The following BCAS3 variants were observed in gnomAD, a reference collection of about 807,000 sequenced individuals.
BCAS3 encodes BCAS3 microtubule associated cell migration factor.
A neutral mutation model predicts 116.1 loss-of-function variants in BCAS3; 53 were observed. That is an observed-to-expected ratio of 0.46 (90% CI 0.37 to 0.57). BCAS3 has a LOEUF of 0.57. BCAS3 is among the 20% of genes least tolerant of loss of function. BCAS3 has a pLI of 0.00. For synonymous variants in BCAS3, 391 were observed against 408.2 expected, an observed-to-expected ratio of 0.96 and a Z score of 0.51; for missense variants, 917 against 1,165.4, an observed-to-expected ratio of 0.79 and a Z score of 3.10.
At chr17:61,225,271 A>G (rs1313164764) in intron 22 of BCAS3, among the ~76,000 whole-genome samples, 1 of 151,656 alleles carries the variant, frequency 6.6e-6, no homozygotes, top group Non-Finnish European at 1.5e-5. Context: ...TGTGGTAAAT[A>G]TAATAATCAC....
intron 13 of BCAS3, among the ~76,000 whole-genome samples, chr17:60,936,009 TC>T (rs2059903528): frequency 6.7e-6 from 1 of 149,230 alleles, no homozygotes. Flanking sequence ...CCTCCCCCCT[TC>T]CCCCCACCCC....
rs1212933291 is a variant in BCAS3, at chr17:61,026,295, T to G, written c.1638-8371T>G. Among the ~76,000 whole-genome samples, 1 of 152,042 alleles carries G rather than the reference T, an allele frequency of 6.6e-6. No homozygotes were observed. Among genetic ancestry groups the G allele is most frequent in the Non-Finnish European group, 1.5e-5 (1 of 67,932 alleles). ...TAATTTCCTGGATTATGGCCAAAAA[T>G]AGAGAAAAATTATACTAGTTGTACT... On this transcript the variant is annotated intron_variant, in intron 16 of 23. Coordinates refer to ENST00000407086, the MANE Select transcript of BCAS3 (RefSeq NM_017679.5). The surrounding 1 kb of genome is among the most constrained non-coding windows in gnomAD (Gnocchi z 5.0).
At chr17:61,386,162 A>G (rs1335441895) in intron 23 of BCAS3, among the ~76,000 whole-genome samples, 3 of 152,246 alleles carry the variant, frequency 2.0e-5, no homozygotes, top group African/African-American at 4.8e-5. Flanking sequence ...CGTTAACCTC[A>G]TGTTCGGGAA....
Position 61,029,591 on chromosome 17 carries a change from C to T in BCAS3, c.1638-5075C>T, listed in dbSNP as rs1368015993. Among the ~76,000 whole-genome samples the T allele has an allele frequency of 6.6e-6, 1 of 151,834 alleles. No individual in the cohort carries two copies. The highest frequency in any genetic ancestry group is 1.9e-4 in the East Asian group (1 of 5,198). ...TACAAATAAATAGGAATGTATCAAG[C>T]TCTGAATTTGCATGTAGTGTTGTAT... is the stretch of plus-strand genomic sequence containing the variant. On this transcript the variant is annotated intron_variant, in intron 16 of 23. Coordinates refer to ENST00000407086, the MANE Select transcript of BCAS3 (RefSeq NM_017679.5). This position sits in a 1 kb window ranked among gnomAD's most constrained non-coding sequence, Gnocchi z 5.2.
At chr17:61,230,959 C>CT (rs763299746) in intron 22 of BCAS3, among the ~76,000 whole-genome samples, 2,754 of 121,844 alleles carry the variant, frequency 0.023, 58 homozygotes, top group Middle Eastern at 0.057. Flanking sequence ...TAGTTTTTGC[C>CT]TTTTTTTTTT....
rs1012345848 is a variant in BCAS3, at chr17:61,141,331, G to A, written c.2425+56767G>A. 6.6e-6 allele frequency among the ~76,000 whole-genome samples: 1 copy of A among 152,160 alleles called. No individual in the cohort carries two copies. Among genetic ancestry groups the A allele is most frequent in the Non-Finnish European group, 1.5e-5 (1 of 68,030 alleles). On this transcript the variant is annotated intron_variant, in intron 22 of 23. Coordinates refer to ENST00000407086, the MANE Select transcript of BCAS3 (RefSeq NM_017679.5). This position sits in a 1 kb window ranked among gnomAD's most constrained non-coding sequence, Gnocchi z 4.3. ...CCAGCATGTTGGGAGGCCAAAGTGG[G>A]AGGACCGCTTGAGACCAGGAATTTG...
intron 14 of BCAS3, among the ~76,000 whole-genome samples, chr17:60,970,358 A>T (rs907966224): frequency 2.0e-5 from 3 of 152,202 alleles, no homozygotes; most frequent in African/African-American, 7.2e-5. Flanking sequence ...GGATAAACAG[A>T]AAACAGATAT....
intron 16 of BCAS3, among the ~76,000 whole-genome samples, chr17:61,033,554 C>T (rs1001806381): frequency 2.6e-4 from 39 of 152,126 alleles, no homozygotes; most frequent in Non-Finnish European, 4.7e-4. Flanking sequence ...CTATCTCTTT[C>T]CATCCCACCA....
chr17:60,700,236 A>G (rs184766922), intron 4 of BCAS3, among the ~76,000 whole-genome samples: 85 of 151,878 alleles, frequency 5.6e-4, no homozygotes, highest in Admixed American at 2.0e-3. Context: ...TGGAAGCAGG[A>G]AGCCATGTAT....
In BCAS3 at chr17:61,388,497, C is replaced by T; in HGVS notation, c.2594-3480C>T. On this transcript the variant is annotated intron_variant, in intron 23 of 23. Coordinates refer to ENST00000407086, the MANE Select transcript of BCAS3 (RefSeq NM_017679.5). The surrounding 1 kb of genome is among the most constrained non-coding windows in gnomAD (Gnocchi z 6.5). Reference sequence around the variant, plus strand: ...TCCTCCTTGACTGCAAACTCCCCCTCCTCACGGTGTGCCCCTGCGCCTCCT... The same window carrying T: ...TCCTCCTTGACTGCAAACTCCCCCTTCTCACGGTGTGCCCCTGCGCCTCCT... 6.9e-6 allele frequency: 6 copies of T among 867,758 alleles called. No individual in the cohort carries two copies. Among genetic ancestry groups the T allele is most frequent in the Non-Finnish European group, 1.1e-5 (6 of 570,366 alleles). The allele number at this position is 867,758 out of a possible 1,614,324, so 53.8% of individuals were successfully genotyped here. A position where few individuals can be genotyped will look rare whatever the true frequency, so the allele number is the denominator to read the frequency against.
Position 61,084,563 on chromosome 17 carries a change from A to C in BCAS3, c.2424A>C (p.Ser808=). 1 of 1,611,838 alleles carries C rather than the reference A, an allele frequency of 6.2e-7. No individual in the cohort carries two copies. Among genetic ancestry groups the C allele is most frequent in the Non-Finnish European group, 8.5e-7 (1 of 1,177,996 alleles). The change falls in exon 22 of 24, where the codon TCA becomes TCC. Residue 808 remains serine, a splice_region_variant and synonymous_variant. Transcript: ENST00000407086. This position sits in a 1 kb window ranked among gnomAD's most constrained non-coding sequence, Gnocchi z 5.5. ...RGVSTVIDAA[S]GTFDRSVTLL... is the part of the protein sequence containing the mutation. ...TTTCCACAGTGATTGATGCTGCCTC[A>C]GGTAGAAAACCACCTCTGAAATATT...
intron 13 of BCAS3, among the ~76,000 whole-genome samples, chr17:60,945,555 C>G (rs2060440935): frequency 6.6e-6 from 1 of 152,182 alleles, no homozygotes; most frequent in African/African-American, 2.4e-5. Context: ...AATCCCAGCA[C>G]TTTGGGAGGC....
chr17:60,736,020 G>C (rs2040921427), intron 5 of BCAS3, among the ~76,000 whole-genome samples: 2 of 143,396 alleles, frequency 1.4e-5, no homozygotes, highest in South Asian at 2.1e-4. Context: ...TTGCATACCT[G>C]GTGTGAATTC....
At chr17:60,716,725 AT>A (rs200133288) in intron 5 of BCAS3, among the ~76,000 whole-genome samples, 9 of 151,524 alleles carry the variant, frequency 5.9e-5, no homozygotes, top group African/African-American at 2.0e-4. Context: ...AAAAAAAAAA[AT>A]AATAATAATA....
At chr17:60,851,617 A>T (rs1568380015) in intron 7 of BCAS3, 5 of 664,250 alleles carry the variant, frequency 7.5e-6, no homozygotes, top group Middle Eastern at 5.2e-4. Flanking sequence ...ATAAAAGGGC[A>T]AAGGGGAGCA....
chr17:60,854,366 C>T (rs1378295761), intron 7 of BCAS3, among the ~76,000 whole-genome samples: 1 of 152,152 alleles, frequency 6.6e-6, no homozygotes, highest in Admixed American at 6.5e-5. Flanking sequence ...CATACGTGTG[C>T]ATGTGTCTTT....
intron 7 of BCAS3, chr17:60,810,712 C>A: frequency 1.5e-6 from 1 of 665,068 alleles, no homozygotes; most frequent in Non-Finnish European, 2.8e-6. Flanking sequence ...GAGGGACATC[C>A]ATGGGCTCTG....
intron 7 of BCAS3, among the ~76,000 whole-genome samples, chr17:60,816,279 C>CTTTTTTTTTTTT (rs537982584): frequency 2.1e-5 from 3 of 140,104 alleles, no homozygotes; most frequent in African/African-American, 8.2e-5. Context: ...TTTTTCTTTT[C>CTTTTTTTTTTTT]TTTTTTTTTT....
intron 22 of BCAS3, among the ~76,000 whole-genome samples, chr17:61,117,997 CTG>C (rs1397481385): frequency 1.3e-5 from 2 of 152,080 alleles, no homozygotes; most frequent in Non-Finnish European, 2.9e-5. Context: ...TTTAGGATCT[CTG>C]TCATCTTGGT....
Sources: gnomAD v4.1 joint callset for allele counts (sites outside exome capture counted in the v4.1 genomes callset) on GRCh38, gnomAD v4.1.1 for gene constraint, Gnocchi (gnomAD v3.1) non-coding constraint, MANE v1.5 for transcripts, NCBI Gene and HGNC (gene_info 2026-07-23, HGNC 2026-07-21) for gene names.